MOXD1: variants seen among roughly 807,000 people sequenced by gnomAD.
MOXD1 encodes the protein monooxygenase DBH like 1, also known as DBH-like monooxygenase protein 1.
In MOXD1, 62 loss-of-function variants were observed where a neutral mutation model predicts 66.6. That is an observed-to-expected ratio of 0.93 (90% confidence interval 0.76 to 1.15). The LOEUF (loss-of-function observed/expected upper bound fraction) is 1.15, where lower values mean the gene tolerates loss of function less well. Among genes scored for constraint, MOXD1 ranks in the 50% most tolerant of loss-of-function variants. The pLI is 0.00. For missense variants in MOXD1, 847 were observed against 754.6 expected, an observed-to-expected ratio of 1.12 and a Z score of -1.44; for synonymous variants, 303 against 281.9, an observed-to-expected ratio of 1.07 and a Z score of -0.75.
At chr6:132,353,542 A>G (rs1775845867) in intron 4 of MOXD1, among the ~76,000 whole-genome samples, 1 of 152,124 alleles carries the variant, frequency 6.6e-6, no homozygotes, top group Admixed American at 6.6e-5. Flanking sequence ...TGTTAATCTC[A>G]TAGGTTTTCC....
intron 10 of MOXD1, among the ~76,000 whole-genome samples, chr6:132,312,065 T>C (rs1348364831): frequency 6.6e-6 from 1 of 152,154 alleles, no homozygotes; most frequent in Non-Finnish European, 1.5e-5. Flanking sequence ...CAACAGGGAA[T>C]ACACAATTTA....
chr6:132,391,460 T>C (rs1776762252), intron 1 of MOXD1: 1 of 152,230 alleles, frequency 6.6e-6, no homozygotes, highest in Admixed American at 6.5e-5. Flanking sequence ...TACTGAAATT[T>C]AACAAGTTAA....
Position 132,390,443 on chromosome 6 carries a change from AT to A in MOXD1, c.264+10719del, listed in dbSNP as rs1776735937. ...CTGCTTATCACATCACTCCGTTTTA[AT>A]TATCTGCACAGCACTTAGCACTTAG... On this transcript the variant is annotated intron_variant, in intron 1 of 11. Transcript: ENST00000367963. 3 of 151,588 alleles carry A rather than the reference AT, an allele frequency of 2.0e-5. No individual in the cohort carries two copies. The South Asian group carries it at 6.4e-4, about 32-fold the overall frequency. 9.4% of individuals were successfully genotyped at this position (151,588 alleles called of 1,614,324 possible).
rs1776328100 is a variant in MOXD1, at chr6:132,374,295, A to T, written c.411+336T>A. ...CAGATTCATAATTCTTTCTTGTGTA[A>T]TACATTTCTTCAAACATTTATCTGT... is the stretch of plus-strand genomic sequence containing the variant. On this transcript the variant is annotated intron_variant, in intron 2 of 11. Transcript: ENST00000367963. Among the ~76,000 whole-genome samples, 5 of 152,274 alleles carry T rather than the reference A, an allele frequency of 3.3e-5. No homozygotes were observed. The South Asian group carries it at 1.0e-3, about 32-fold the overall frequency.
chr6:132,329,510 G>A (rs1347763157), intron 4 of MOXD1, among the ~76,000 whole-genome samples: 1 of 151,852 alleles, frequency 6.6e-6, no homozygotes, highest in Non-Finnish European at 1.5e-5. Context: ...AACGCTCTTA[G>A]TCTCCCTCTC....
In MOXD1 at chr6:132,359,632, G is replaced by T. The variant is rs9483436; in HGVS notation, c.663+12976C>A. On this transcript the variant is annotated intron_variant, in intron 4 of 11. Coordinates refer to ENST00000367963, the MANE Select transcript of MOXD1 (RefSeq NM_015529.4). ...CTCCCGAGTAGCTGGGACTACAGGC[G>T]CCCGCCACGAAGCCCGGCTAATTTT... is the stretch of plus-strand genomic sequence containing the variant. Among the ~76,000 whole-genome samples, 5 of 151,750 alleles carry T rather than the reference G, an allele frequency of 3.3e-5. No homozygotes were observed. The South Asian group carries it at 1.0e-3, about 32-fold the overall frequency.
At position 132,299,889 on chromosome 6, in the gene MOXD1, C is replaced by CCTCT. The variant is rs3038133; in HGVS notation, c.1509-1938_1509-1935dup. Among the ~76,000 whole-genome samples, 150 of 146,480 alleles carry CCTCT rather than the reference C, an allele frequency of 1.0e-3. 2 individuals are homozygous for CCTCT. The East Asian group carries it at 0.015, about 15-fold the overall frequency. On this transcript the variant is annotated intron_variant, in intron 10 of 11. Coordinates refer to ENST00000367963, the MANE Select transcript of MOXD1 (RefSeq NM_015529.4). ...AATTTATTTATGTCATTTCTCTCTC[C>CCTCT]CTCTCTCTCTCTCTCTCTCTCTCTT...
chr6:132,387,450 A>T (rs1207879133), intron 1 of MOXD1, among the ~76,000 whole-genome samples: 1 of 151,134 alleles, frequency 6.6e-6, no homozygotes, highest in African/African-American at 2.4e-5. Context: ...TAATGTAGCC[A>T]GTCTATTAAT....
chr6:132,361,271 G>C (rs531997034), intron 4 of MOXD1, among the ~76,000 whole-genome samples: 36 of 151,330 alleles, frequency 2.4e-4, no homozygotes, highest in Admixed American at 2.4e-3. Flanking sequence ...ATAAAACTCA[G>C]CTGTGGTTAC....
chr6:132,391,195 G>A (rs1015560848), intron 1 of MOXD1: 9 of 151,260 alleles, frequency 6.0e-5, no homozygotes, highest in African/African-American at 1.9e-4. Flanking sequence ...AAGAGGCAGC[G>A]AGTAAATATG....
At chr6:132,386,358 C>T (rs1486629497) in intron 1 of MOXD1, among the ~76,000 whole-genome samples, 4 of 149,302 alleles carry the variant, frequency 2.7e-5, no homozygotes, top group African/African-American at 4.9e-5. Context: ...GCCGAGATCG[C>T]GCCACTGCAC....
intron 4 of MOXD1, among the ~76,000 whole-genome samples, chr6:132,363,220 A>G (rs1776050026): frequency 7.7e-6 from 1 of 130,612 alleles, no homozygotes. Context: ...CACAATAAAA[A>G]ACAAAAAAAA....
At chr6:132,345,275 T>G (rs955197794) in intron 4 of MOXD1, among the ~76,000 whole-genome samples, 11 of 152,308 alleles carry the variant, frequency 7.2e-5, no homozygotes, top group Middle Eastern at 3.4e-3. Flanking sequence ...TTGGATTCAG[T>G]GTTATAGTGT....
chr6:132,374,568 A>T (rs1776336785), intron 2 of MOXD1, 63 bp downstream of exon 2: 3 of 1,422,836 alleles, frequency 2.1e-6, no homozygotes, highest in Non-Finnish European at 2.9e-6. Flanking sequence ...TTATTCTTTA[A>T]AGTGCTTCAC....
chr6:132,297,379 G>A (rs41286160), intron 11 of MOXD1, 62 bp from the exon 12 acceptor site: 83,561 of 1,541,164 alleles, frequency 0.054, 2,631 homozygotes, highest in South Asian at 0.085. Flanking sequence ...CAGTGACCAG[G>A]CCGCTCAGCT....
intron 4 of MOXD1, among the ~76,000 whole-genome samples, chr6:132,330,389 C>A (rs972270804): frequency 6.6e-6 from 1 of 152,182 alleles, no homozygotes; most frequent in African/African-American, 2.4e-5. Context: ...ATCTAGGCTG[C>A]GTGCTCTTTA....
Position 132,372,659 on chromosome 6 carries a change from C to T in MOXD1, c.612G>A (p.Trp204Ter). The T allele has an allele frequency of 1.9e-6, 3 of 1,613,830 alleles. No individual in the cohort carries two copies. Among genetic ancestry groups the T allele is most frequent in the Non-Finnish European group, 2.5e-6 (3 of 1,179,850 alleles). The change falls in exon 4 of 12, where the codon TGG becomes TGA. Residue 204 changes from tryptophan to a stop codon, truncating the protein, a stop_gained. Coordinates refer to ENST00000367963, the MANE Select transcript of MOXD1 (RefSeq NM_015529.4). LOFTEE classifies it high-confidence loss of function. ...VPIPNKDTTYWCQMFKIPVFQ... is the reference protein window; with the variant it reads ...VPIPNKDTTY ...ACACAGGAATCTTAAACATTTGGCA[C>T]CAATATGTTGTATCTTTGTTTGGGA...
intron 1 of MOXD1, among the ~76,000 whole-genome samples, chr6:132,380,030 G>A (rs139119150): frequency 6.6e-6 from 1 of 152,104 alleles, no homozygotes; most frequent in Non-Finnish European, 1.5e-5. Context: ...GGGATCACAG[G>A]TGTAAGCCAC....
At chr6:132,371,582 A>G (rs1049043533) in intron 4 of MOXD1, among the ~76,000 whole-genome samples, 1 of 152,182 alleles carries the variant, frequency 6.6e-6, no homozygotes, top group Non-Finnish European at 1.5e-5. Context: ...CAGTGTTTCT[A>G]TCTCTGCTAA....
Sources: allele counts gnomAD v4.1 joint callset (sites outside exome capture counted in the v4.1 genomes callset), GRCh38; gene constraint gnomAD v4.1.1; transcripts MANE v1.5; gene names NCBI Gene and HGNC (gene_info 2026-07-23, HGNC 2026-07-21).